The following MACROD2 variants were observed in gnomAD, a reference collection of about 807,000 sequenced individuals.
MACROD2 encodes ADP-ribose glycohydrolase MACROD2.
A neutral mutation model predicts 70.4 loss-of-function variants in MACROD2; 36 were observed. That is an observed-to-expected ratio of 0.51 (90% CI 0.39 to 0.68). The LOEUF is 0.68. MACROD2 is among the 30% of genes least tolerant of loss of function. The pLI, the probability that MACROD2 is intolerant of heterozygous loss-of-function variation, is 0.00. For missense variants in MACROD2, 496 were observed against 538.4 expected (o/e 0.92, Z 0.78); for synonymous variants, 172 against 178.8 (o/e 0.96, Z 0.30).
intron 3 of MACROD2, among the ~76,000 whole-genome samples, chr20:14,218,946 C>T (rs1182397427): frequency 6.6e-6 from 1 of 152,196 alleles, no homozygotes; most frequent in Non-Finnish European, 1.5e-5. Flanking sequence ...CCTGGTCCTT[C>T]TGTCTCATGG....
intron 3 of MACROD2, among the ~76,000 whole-genome samples, chr20:14,445,848 A>G (rs958502948): frequency 2.0e-5 from 3 of 152,154 alleles, no homozygotes; most frequent in African/African-American, 7.2e-5. Flanking sequence ...TGCTTGCTTC[A>G]TGCACATCTA....
intron 4 of MACROD2, among the ~76,000 whole-genome samples, chr20:14,634,656 AAGT>A (rs1343810982): frequency 1.3e-5 from 2 of 151,364 alleles, no homozygotes; most frequent in Non-Finnish European, 2.9e-5. Flanking sequence ...AATTGCCTGT[AAGT>A]CTGTAAATGT....
chr20:15,950,109 GAGTAAAC>G (rs2065883872), intron 12 of MACROD2, among the ~76,000 whole-genome samples: 1 of 152,082 alleles, frequency 6.6e-6, no homozygotes, highest in African/African-American at 2.4e-5. Context: ...TAGCCAATCT[GAGTAAAC>G]ACAAAACATT....
intron 5 of MACROD2, among the ~76,000 whole-genome samples, chr20:14,736,292 A>T (rs1282039266): frequency 6.6e-6 from 1 of 152,152 alleles, no homozygotes; most frequent in Non-Finnish European, 1.5e-5. Context: ...ATCCATAGAG[A>T]CATAAAGCAA....
chr20:15,783,733 G>T (rs1480767555), intron 8 of MACROD2, among the ~76,000 whole-genome samples: 2 of 152,084 alleles, frequency 1.3e-5, no homozygotes, highest in Non-Finnish European at 2.9e-5. Flanking sequence ...GCCATAACTG[G>T]AGCTTTTGCA....
intron 3 of MACROD2, among the ~76,000 whole-genome samples, chr20:14,401,150 G>A (rs899466988): frequency 2.6e-5 from 4 of 152,152 alleles, no homozygotes; most frequent in Non-Finnish European, 5.9e-5. Context: ...GAGTATACGT[G>A]TAGTCTAGTT....
rs145329139 is a variant in MACROD2, at chr20:14,506,570, A to G, written c.301+13062A>G. ...AAGATGTCAGAGACTGCTGATCATG[A>G]AGGAGACGTATTTTACAGATTTAAG... On this transcript the variant is annotated intron_variant, in intron 4 of 17. Transcript: ENST00000684519. Among the ~76,000 whole-genome samples the G allele has an allele frequency of 3.9e-5, 6 of 152,310 alleles. No homozygotes were observed. The East Asian group carries it at 9.7e-4, about 25-fold the overall frequency.
At chr20:15,416,680 G>A (rs111861406) in intron 6 of MACROD2, among the ~76,000 whole-genome samples, 35 of 152,084 alleles carry the variant, frequency 2.3e-4, no homozygotes, top group Non-Finnish European at 3.2e-4. Context: ...CGAGGCAGTC[G>A]GATCACGAGG....
intron 3 of MACROD2, chr20:14,327,593 A>G (rs746498865): frequency 2.2e-6 from 3 of 1,388,692 alleles, no homozygotes; most frequent in Non-Finnish European, 2.9e-6. Context: ...ACAGAAAACA[A>G]TAAGGCCAGC....
chr20:14,161,439 G>A (rs532166823), intron 3 of MACROD2, among the ~76,000 whole-genome samples: 81 of 151,496 alleles, frequency 5.3e-4, no homozygotes, highest in Non-Finnish European at 9.3e-4. Context: ...CGCCCACCCC[G>A]TGTCCCAAAG....
intron 3 of MACROD2, among the ~76,000 whole-genome samples, chr20:14,349,814 C>CTT (rs538685508): frequency 1.2e-4 from 16 of 132,226 alleles, no homozygotes; most frequent in African/African-American, 2.8e-4. Context: ...TTCTTTTTTT[C>CTT]TTTTTTTTTT....
chr20:14,601,458 G>C (rs1301889671), intron 4 of MACROD2, among the ~76,000 whole-genome samples: 1 of 152,066 alleles, frequency 6.6e-6, no homozygotes, highest in Non-Finnish European at 1.5e-5. Context: ...CAGGGTACTG[G>C]GGTTGGGGAC....
intron 8 of MACROD2, among the ~76,000 whole-genome samples, chr20:15,825,095 A>G (rs73614463): frequency 0.011 from 1,722 of 152,312 alleles, 44 homozygotes; most frequent in South Asian, 0.097. Context: ...TCACCAGGCC[A>G]AAGCACAATG....
chr20:14,059,118 C>CT (rs1175050367), intron 2 of MACROD2, among the ~76,000 whole-genome samples: 1 of 152,168 alleles, frequency 6.6e-6, no homozygotes, highest in Non-Finnish European at 1.5e-5. Flanking sequence ...TGAATTAACA[C>CT]TATTAAAGAT....
At chr20:15,022,645 G>A (rs1443202238) in intron 5 of MACROD2, among the ~76,000 whole-genome samples, 1 of 152,182 alleles carries the variant, frequency 6.6e-6, no homozygotes, top group Non-Finnish European at 1.5e-5. Flanking sequence ...AAGACAAGAT[G>A]ACCTGGTTGT....
intron 3 of MACROD2, among the ~76,000 whole-genome samples, chr20:14,262,353 T>C (rs1286107582): frequency 2.0e-5 from 3 of 152,198 alleles, no homozygotes; most frequent in Admixed American, 6.5e-5. Context: ...TCTTCTGATT[T>C]GGGTGTCTGA....
chr20:14,048,189 C>T (rs1569133793), intron 2 of MACROD2, among the ~76,000 whole-genome samples: 1 of 152,080 alleles, frequency 6.6e-6, no homozygotes, highest in Admixed American at 6.6e-5. Flanking sequence ...TCTCATGCTG[C>T]AGCTGAGGAG....
At chr20:14,066,634 T>C (rs1226617334) in intron 2 of MACROD2, among the ~76,000 whole-genome samples, 2 of 152,132 alleles carry the variant, frequency 1.3e-5, no homozygotes. Context: ...GAAACAATTA[T>C]TTACTACATG....
At chr20:14,630,498 A>C (rs1292481483) in intron 4 of MACROD2, among the ~76,000 whole-genome samples, 1 of 152,212 alleles carries the variant, frequency 6.6e-6, no homozygotes, top group African/African-American at 2.4e-5. Context: ...TTGTTTTCTA[A>C]AAATTCATGT....
Sources: allele counts gnomAD v4.1 joint callset (sites outside exome capture counted in the v4.1 genomes callset), GRCh38; gene constraint gnomAD v4.1.1; transcripts MANE v1.5; gene names NCBI Gene and HGNC (gene_info 2026-07-23, HGNC 2026-07-21).